Variants in EPS8 observed in about 807,000 individuals in gnomAD.
EPS8 encodes epidermal growth factor receptor kinase substrate 8.
A neutral mutation model predicts 103.8 loss-of-function variants in EPS8; 42 were observed. That is an observed-to-expected ratio of 0.40 (90% CI 0.32 to 0.52). The LOEUF (loss-of-function observed/expected upper bound fraction) is 0.52. Ranked by LOEUF, EPS8 falls within the 20% of genes least tolerant of loss-of-function variation. EPS8 has a pLI of 0.40. For missense variants in EPS8, 969 were observed against 1,005.1 expected (o/e 0.96, Z 0.49); for synonymous variants, 344 against 344.6 (o/e 1.00, Z 0.02).
rs757828225 is a variant in EPS8, at chr12:15,785,441, AG to A, written c.-22+3719del. Among the ~76,000 whole-genome samples, 7 of 152,176 alleles carry A rather than the reference AG, an allele frequency of 4.6e-5. No individual in the cohort carries two copies. Among genetic ancestry groups the A allele is most frequent in the Non-Finnish European group, 1.0e-4 (7 of 67,968 alleles). Reference sequence around the variant, plus strand: ...AAACCAGGTTTCTTCTCACTGTTGGAGTAAGTTTACATATAAACAAAGGGAG... The same window carrying A: ...AAACCAGGTTTCTTCTCACTGTTGGATAAGTTTACATATAAACAAAGGGAG... On this transcript the variant is annotated intron_variant, in intron 1 of 20. Coordinates refer to ENST00000281172, the MANE Select transcript of EPS8 (RefSeq NM_004447.6). The surrounding 1 kb of genome is among the most constrained non-coding windows in gnomAD (Gnocchi z 4.9).
At chr12:15,669,862 A>G in intron 4 of EPS8, 37 bp from the exon 5 acceptor site, 1 of 1,473,534 alleles carries the variant, frequency 6.8e-7, no homozygotes, top group Non-Finnish European at 9.2e-7. Context: ...TTTATAACAC[A>G]TACAAACACA....
chr12:15,640,565 C>T, intron 17 of EPS8, 138 bp downstream of exon 17: 1 of 629,358 alleles, frequency 1.6e-6, no homozygotes, highest in Admixed American at 3.3e-5. Flanking sequence ...TTGCCACTCC[C>T]CCACCAATTA....
intron 1 of EPS8, 40 bp from the exon 2 acceptor site, chr12:15,683,012 G>T: frequency 9.5e-7 from 1 of 1,050,680 alleles, no homozygotes; most frequent in South Asian, 1.5e-5. Context: ...GCAATAAAAA[G>T]GTCAAGACAT....
chr12:15,788,223 C>T (rs79558796), intron 1 of EPS8, among the ~76,000 whole-genome samples: 97 of 152,338 alleles, frequency 6.4e-4, no homozygotes, highest in African/African-American at 2.3e-3. Context: ...TTTACCTATT[C>T]CCCTTACTAT....
At position 15,766,081 on chromosome 12, in the gene EPS8, T is replaced by C. The variant is rs370904214; in HGVS notation, c.-22+23080A>G. Among the ~76,000 whole-genome samples the C allele has an allele frequency of 4.5e-4, 69 of 151,768 alleles. No homozygotes were observed. In the South Asian group the frequency reaches 8.1e-3, roughly 18 times the overall value. On this transcript the variant is annotated intron_variant, in intron 1 of 20. Transcript: ENST00000281172. ...CGCCTGCCTCGGCCTCCCAAAGTGCTGGGATTATAGGCGTGAGCCACCTGC... is the reference window on the plus strand; with the variant it reads ...CGCCTGCCTCGGCCTCCCAAAGTGCCGGGATTATAGGCGTGAGCCACCTGC...
intron 17 of EPS8, among the ~76,000 whole-genome samples, chr12:15,639,894 G>A (rs1001558158): frequency 3.9e-5 from 6 of 152,214 alleles, no homozygotes; most frequent in African/African-American, 1.4e-4. Flanking sequence ...AATTAAAAGA[G>A]TTCTTTCTGG....
rs1246929563 is a variant in EPS8 at position 15,665,950 on chromosome 12, T to C, written c.600-58A>G. 5.2e-6 allele frequency: 8 copies of C among 1,528,156 alleles called. No individual in the cohort carries two copies. In the African/African-American group the frequency reaches 8.3e-5, roughly 16 times the overall value. The allele number at this position is 1,528,156 out of a possible 1,614,324, so 94.7% of individuals were successfully genotyped here. A position where few individuals can be genotyped will look rare whatever the true frequency, so the allele number is the denominator to read the frequency against. On this transcript the variant is annotated intron_variant, in intron 7 of 20. Transcript: ENST00000281172. ...CATCTCTATTTCTATAACATATCAATTAACTCAACTTGTGGTACTAGTTAT... is the reference window on the plus strand; with the variant it reads ...CATCTCTATTTCTATAACATATCAACTAACTCAACTTGTGGTACTAGTTAT...
At chr12:15,694,507 G>A (rs778386646) in intron 1 of EPS8, among the ~76,000 whole-genome samples, 12 of 152,136 alleles carry the variant, frequency 7.9e-5, no homozygotes, top group Non-Finnish European at 1.6e-4. Context: ...TCATAACAGA[G>A]TTAGGTGCCT....
chr12:15,709,834 C>T (rs1418633654), intron 1 of EPS8, among the ~76,000 whole-genome samples: 2 of 152,268 alleles, frequency 1.3e-5, no homozygotes, highest in African/African-American at 4.8e-5. Flanking sequence ...CAGGAGTAGG[C>T]GGGATGGATC....
chr12:15,703,896 A>G (rs57782694), intron 1 of EPS8, among the ~76,000 whole-genome samples: 550 of 22,650 alleles, frequency 0.024, 1 homozygote, highest in African/African-American at 0.093. Flanking sequence ...CACCTTTGTT[A>G]TTCCCCTAAT....
At chr12:15,730,740 A>G (rs1414233831) in intron 1 of EPS8, among the ~76,000 whole-genome samples, 1 of 152,138 alleles carries the variant, frequency 6.6e-6, no homozygotes, top group Non-Finnish European at 1.5e-5. Context: ...ATCAGTATCG[A>G]CTAGTTTCTA....
In EPS8 at chr12:15,624,223, T is replaced by C; in HGVS notation, c.2225+4A>G. On this transcript the variant is annotated splice_donor_region_variant and intron_variant, in intron 19 of 20. Transcript: ENST00000281172. ...AATTGCAAAGTATTCACAGAGAGAC[T>C]CACACAGGGTTGAATCCCTTTGACT... is the stretch of plus-strand genomic sequence containing the variant. The C allele has an allele frequency of 6.2e-7, 1 of 1,611,866 alleles. No homozygotes were observed. Among genetic ancestry groups the C allele is most frequent in the Non-Finnish European group, 8.5e-7 (1 of 1,178,768 alleles).
At chr12:15,674,296 T>G (rs1405711883) in intron 3 of EPS8, among the ~76,000 whole-genome samples, 1 of 152,152 alleles carries the variant, frequency 6.6e-6, no homozygotes, top group Non-Finnish European at 1.5e-5. Context: ...ATTTGGCCAT[T>G]AACAAGAAAA....
intron 1 of EPS8, among the ~76,000 whole-genome samples, chr12:15,720,531 C>T (rs1565517122): frequency 6.6e-6 from 1 of 152,164 alleles, no homozygotes; most frequent in Non-Finnish European, 1.5e-5. Flanking sequence ...TAAAAGAGGT[C>T]CATTGACAGT....
At chr12:15,730,133 C>T (rs979750124) in intron 1 of EPS8, among the ~76,000 whole-genome samples, 12 of 152,122 alleles carry the variant, frequency 7.9e-5, no homozygotes, top group Non-Finnish European at 1.5e-5. Flanking sequence ...GGCATCTCAA[C>T]TTTTCCTTAG....
At position 15,695,248 on chromosome 12, in the gene EPS8, C is replaced by G. The variant is rs1946226957; in HGVS notation, c.-21-12276G>C. On this transcript the variant is annotated intron_variant, in intron 1 of 20. Coordinates refer to ENST00000281172, the MANE Select transcript of EPS8 (RefSeq NM_004447.6). This position sits in a 1 kb window ranked among gnomAD's most constrained non-coding sequence, Gnocchi z 5.0. ...AATGTCAACATGGATTAATTAAAAA[C>G]TAAAATAACTTTTAAACATGATTAT... Among the ~76,000 whole-genome samples the G allele has an allele frequency of 6.6e-6, 1 of 152,212 alleles. No homozygotes were observed. Among genetic ancestry groups the G allele is most frequent in the Non-Finnish European group, 1.5e-5 (1 of 68,028 alleles).
At position 15,736,944 on chromosome 12, in the gene EPS8, T is replaced by G. The variant is rs1165083582; in HGVS notation, c.-22+52217A>C. Among the ~76,000 whole-genome samples, 1 of 152,152 alleles carries G rather than the reference T, an allele frequency of 6.6e-6. No homozygotes were observed. Among genetic ancestry groups the G allele is most frequent in the Non-Finnish European group, 1.5e-5 (1 of 68,002 alleles). On this transcript the variant is annotated intron_variant, in intron 1 of 20. Coordinates refer to ENST00000281172, the MANE Select transcript of EPS8 (RefSeq NM_004447.6). This position sits in a 1 kb window ranked among gnomAD's most constrained non-coding sequence, Gnocchi z 4.2. Reference sequence around the variant, plus strand: ...CCTAAATACTTAAAAAAATAAAATCTTCATATTTAAAGTAACATACTTTAA... The same window carrying G: ...CCTAAATACTTAAAAAAATAAAATCGTCATATTTAAAGTAACATACTTTAA...
chr12:15,653,499 C>T (rs1030184964), intron 13 of EPS8, among the ~76,000 whole-genome samples: 22 of 152,178 alleles, frequency 1.4e-4, no homozygotes, highest in African/African-American at 5.3e-4. Flanking sequence ...ACATCTTCAT[C>T]CTTTCTTCTC....
At chr12:15,654,417 C>T in intron 12 of EPS8, 124 bp from the exon 13 acceptor site, 2 of 853,650 alleles carry the variant, frequency 2.3e-6, no homozygotes, top group Non-Finnish European at 3.8e-6. Flanking sequence ...ACTTTTGATG[C>T]TGTGCAATGT....
Sources: gnomAD v4.1 joint callset for allele counts (sites outside exome capture counted in the v4.1 genomes callset) on GRCh38, gnomAD v4.1.1 for gene constraint, Gnocchi (gnomAD v3.1) non-coding constraint, MANE v1.5 for transcripts, NCBI Gene and HGNC (gene_info 2026-07-23, HGNC 2026-07-21) for gene names.